Variants in CIITA observed in about 807,000 individuals in gnomAD.
The protein encoded by CIITA is MHC class II transactivator.
In CIITA, 72 loss-of-function variants were observed where a neutral mutation model predicts 115.1. The observed-to-expected ratio is 0.63, with a 90% CI of 0.52 to 0.76. The LOEUF is 0.76. Ranked by LOEUF, CIITA falls within the 30% of genes least tolerant of loss-of-function variation. CIITA has a pLI of 0.00. For missense variants in CIITA, 1,617 were observed against 1,463.8 expected, an observed-to-expected ratio of 1.10 and a Z score of -1.71; for synonymous variants, 763 against 635.6, an observed-to-expected ratio of 1.20 and a Z score of -3.02.
At position 10,910,470 on chromosome 16, in the gene CIITA, G is replaced by A. The variant is rs944873697; in HGVS notation, c.2888+211G>A. ...TTTGAAGCTAATGGACCCGTTTGCT[G>A]GTTAACATGGTCATTCCCATCACTC... On this transcript the variant is annotated intron_variant, in intron 13 of 19. Transcript: ENST00000324288. 2.6e-5 allele frequency among the ~76,000 whole-genome samples: 4 copies of A among 152,176 alleles called. No homozygotes were observed. In the South Asian group the frequency reaches 8.3e-4, roughly 32 times the overall value.
chr16:10,937,741 C>A (rs534068255), downstream of CIITA: 3 of 152,270 alleles, frequency 2.0e-5, no homozygotes, highest in Non-Finnish European at 4.4e-5. The surrounding 1 kb of genome is among the most constrained non-coding windows in gnomAD (Gnocchi z 4.2). Context: ...GGCTCCCAGG[C>A]CAGCCACTGC....
chr16:10,874,079 G>A (rs1172354556), upstream of CIITA, among the ~76,000 whole-genome samples: 1 of 152,014 alleles, frequency 6.6e-6, no homozygotes, highest in Non-Finnish European at 1.5e-5. Context: ...CCTCCCCCAG[G>A]TTCAAGCAAT....
At chr16:10,893,111 G>A (rs150009325) in intron 1 of CIITA, among the ~76,000 whole-genome samples, 33 of 152,226 alleles carry the variant, frequency 2.2e-4, no homozygotes, top group African/African-American at 7.9e-4. Context: ...CACAAGTCAA[G>A]GATCACCAGT....
rs1207352795 is a variant in CIITA, at chr16:10,927,003, T to A, written c.*3148T>A. The A allele has an allele frequency of 6.6e-6, 1 of 152,282 alleles. No homozygotes were observed. The highest frequency in any genetic ancestry group is 1.5e-5 in the Non-Finnish European group (1 of 68,062). 9.4% of individuals were successfully genotyped at this position (152,282 alleles called of 1,614,324 possible). On this transcript the variant is annotated 3_prime_UTR_variant, in exon 20 of 20. Coordinates refer to ENST00000324288, the MANE Select transcript of CIITA (RefSeq NM_000246.4). ...GCAGAGACTCTAGAACGAGATTGCC[T>A]GGGCTCAACGCCCACCTCACCACTT...
intron 1 of CIITA, among the ~76,000 whole-genome samples, chr16:10,890,853 C>T (rs1002099462): frequency 6.6e-6 from 1 of 152,230 alleles, no homozygotes; most frequent in Non-Finnish European, 1.5e-5. Context: ...CGTGACTTAA[C>T]TCCCCTAATC....
intron 1 of CIITA, among the ~76,000 whole-genome samples, chr16:10,883,284 G>C (rs949103408): frequency 1.3e-5 from 2 of 152,228 alleles, no homozygotes; most frequent in African/African-American, 4.8e-5. Context: ...GTCATTGACT[G>C]CAGTTAGGAG....
intron 3 of CIITA, among the ~76,000 whole-genome samples, chr16:10,897,943 A>G (rs888600502): frequency 1.3e-5 from 2 of 152,204 alleles, no homozygotes; most frequent in South Asian, 4.1e-4. Context: ...TACCACCGTC[A>G]CCTATCTCTC....
Position 10,909,103 on chromosome 16 carries a change from C to G in CIITA, c.2732C>G (p.Ala911Gly). 3.1e-6 allele frequency: 5 copies of G among 1,614,170 alleles called. No homozygotes were observed. The highest frequency in any genetic ancestry group is 4.2e-6 in the Non-Finnish European group (5 of 1,180,010). The change falls in exon 12 of 20, where the codon GCA becomes GGA. Residue 911 changes from alanine (A) to glycine (G), a missense_variant. Coordinates refer to ENST00000324288, the MANE Select transcript of CIITA (RefSeq NM_000246.4). ...GGGGAGACCAAGCTACTTCAGGCAGCAGAGGAGAAGTTCACCATCGAGCCT... is the reference window on the plus strand; with the variant it reads ...GGGGAGACCAAGCTACTTCAGGCAGGAGAGGAGAAGTTCACCATCGAGCCT... ...QHGETKLLQA[A>G]EEKFTIEPFK...
At chr16:10,919,180 ATTTATT>A (rs777540926) in intron 16 of CIITA, among the ~76,000 whole-genome samples, 88 of 152,106 alleles carry the variant, frequency 5.8e-4, no homozygotes, top group Admixed American at 9.2e-4. Flanking sequence ...CTTATTATTT[ATTTATT>A]TTTAATTTTT....
chr16:10,900,606 G>T, intron 5 of CIITA, among the ~76,000 whole-genome samples: 1 of 152,086 alleles, frequency 6.6e-6, no homozygotes, highest in East Asian at 1.9e-4. Flanking sequence ...CAGGCGTGGT[G>T]GCGAACACCT....
At position 10,925,109 on chromosome 16, in the gene CIITA, T is replaced by G. The variant is rs1401574749; in HGVS notation, c.*1254T>G. The G allele has an allele frequency of 6.6e-6, 1 of 152,308 alleles. No individual in the cohort carries two copies. The highest frequency in any genetic ancestry group is 1.5e-5 in the Non-Finnish European group (1 of 68,112). The allele number at this position is 152,308 out of a possible 1,614,324, so 9.4% of individuals were successfully genotyped here. On this transcript the variant is annotated 3_prime_UTR_variant, in exon 20 of 20. Transcript: ENST00000324288. ...ACCTGAAGACTCATTCTTCTGTACG[T>G]CTGACAGGCAATGCTGGCTGTTGGC...
Position 10,898,952 on chromosome 16 carries a change from G to T in CIITA, c.386G>T (p.Gly129Val). The T allele has an allele frequency of 1.2e-6, 2 of 1,614,000 alleles. No homozygotes were observed. The highest frequency in any genetic ancestry group is 2.2e-5 in the East Asian group (1 of 44,836). ...CACATAGGACCAGATGAAGTGATCG[G>T]TGAGAGTATGGAGATGCCAGCAGAA... is the stretch of plus-strand genomic sequence containing the variant. Reference protein sequence around the residue: ...FKHIGPDEVIGESMEMPAEVG... With the variant: ...FKHIGPDEVIVESMEMPAEVG... Residue 129 changes from glycine (G) to valine (V), a missense_variant, in exon 5 of 20, where the codon GGT (glycine) becomes GTT (valine). Gly to Val is a moderately radical substitution (Grantham distance 109). Transcript: ENST00000324288.
intron 1 of CIITA, among the ~76,000 whole-genome samples, chr16:10,867,179 G>A (rs1382408363): frequency 6.6e-6 from 1 of 152,116 alleles, no homozygotes; most frequent in South Asian, 2.1e-4. Context: ...GGAAGGCAGA[G>A]GTTGCAATGA....
At chr16:10,877,456 A>C in intron 1 of CIITA, 74 bp downstream of exon 1, 1 of 1,461,974 alleles carries the variant, frequency 6.8e-7, no homozygotes, top group Non-Finnish European at 9.4e-7. Context: ...TAAACAGAGA[A>C]ACCATTCTGA....
chr16:10,909,855 C>T (rs1461755990), intron 12 of CIITA, among the ~76,000 whole-genome samples: 1 of 152,172 alleles, frequency 6.6e-6, no homozygotes, highest in African/African-American at 2.4e-5. Flanking sequence ...CTGCCTCAGC[C>T]TCCCAAGTAG....
At chr16:10,914,869 T>C (rs1178714235) in intron 13 of CIITA, among the ~76,000 whole-genome samples, 1 of 152,210 alleles carries the variant, frequency 6.6e-6, no homozygotes, top group Non-Finnish European at 1.5e-5. Flanking sequence ...GGCATATTAG[T>C]CAACCACCTG....
chr16:10,883,058 C>T lies in CIITA; in HGVS notation c.52+5676C>T, dbSNP rs184420064. On this transcript the variant is annotated intron_variant, in intron 1 of 19. Transcript: ENST00000324288. ...ATGGCTGGACTCCGTAGTCAGATCT[C>T]AGCAAGCAGGACTGGCTCGTGGTTC... Among the ~76,000 whole-genome samples the T allele has an allele frequency of 2.0e-3, 302 of 152,268 alleles. 2 individuals are homozygous for T. The highest frequency in any genetic ancestry group is 7.1e-3 in the African/African-American group (296 of 41,548).
Position 10,901,358 on chromosome 16 carries a change from C to A in CIITA, c.437-156C>A, listed in dbSNP as rs760198511. Among the ~76,000 whole-genome samples the A allele has an allele frequency of 6.6e-6, 1 of 152,114 alleles. No individual in the cohort carries two copies. The highest frequency in any genetic ancestry group is 1.5e-5 in the Non-Finnish European group (1 of 68,028). ...TGGGGTTTGGGTTCAAGCCAAGGAGCTGGGGTTGGAATGTTAGAGCGAGGG... is the reference window on the plus strand; with the variant it reads ...TGGGGTTTGGGTTCAAGCCAAGGAGATGGGGTTGGAATGTTAGAGCGAGGG... On this transcript the variant is annotated intron_variant, in intron 5 of 19. Coordinates refer to ENST00000324288, the MANE Select transcript of CIITA (RefSeq NM_000246.4). The surrounding 1 kb of genome is among the most constrained non-coding windows in gnomAD (Gnocchi z 6.8).
At chr16:10,881,163 C>T (rs1045631941) in intron 1 of CIITA, among the ~76,000 whole-genome samples, 35 of 152,006 alleles carry the variant, frequency 2.3e-4, no homozygotes, top group African/African-American at 8.0e-4. Flanking sequence ...CCTGTAATCT[C>T]AACTACTTGG....
Sources: allele counts gnomAD v4.1 joint callset (sites outside exome capture counted in the v4.1 genomes callset), GRCh38; gene constraint gnomAD v4.1.1; non-coding constraint Gnocchi (gnomAD v3.1); transcripts MANE v1.5; gene names NCBI Gene and HGNC (gene_info 2026-07-23, HGNC 2026-07-21).